The following ATP2B1 variants were observed in gnomAD, a reference collection of about 807,000 sequenced individuals.
ATP2B1 encodes the protein ATPase plasma membrane Ca2+ transporting 1.
A neutral mutation model predicts 124.2 loss-of-function variants in ATP2B1; 14 were observed. The ratio of observed to expected loss-of-function variants is 0.11; its 90% CI spans 0.07 to 0.18. The LOEUF (loss-of-function observed/expected upper bound fraction) is 0.18. Ranked by LOEUF, ATP2B1 falls within the 10% of genes least tolerant of loss-of-function variation. The pLI, the probability that ATP2B1 is intolerant of heterozygous loss-of-function variation, is 1.00. For synonymous variants in ATP2B1, 449 were observed against 492.4 expected (o/e 0.91, Z 1.17); for missense variants, 763 against 1,466.1 (o/e 0.52, Z 7.83).
intron 12 of ATP2B1, among the ~76,000 whole-genome samples, chr12:89,613,133 C>A (rs986588148): frequency 6.6e-6 from 1 of 152,022 alleles, no homozygotes; most frequent in Admixed American, 6.6e-5. Context: ...GTACACGCCA[C>A]CATGCACAGC....
intron 1 of ATP2B1, among the ~76,000 whole-genome samples, chr12:89,662,469 A>G (rs1312240795): frequency 6.6e-6 from 1 of 152,218 alleles, no homozygotes; most frequent in Non-Finnish European, 1.5e-5. Flanking sequence ...AAAATGCTTT[A>G]AAGAAATCAA....
At position 89,617,579 on chromosome 12, in the gene ATP2B1, C is replaced by T. The variant is rs77951464; in HGVS notation, c.1830-540G>A. On this transcript the variant is annotated intron_variant, in intron 11 of 20. Transcript: ENST00000428670. ...ATGCCAAAAGTTATTTTCAGTGACA[C>T]TACTACCTTTTCTTTCATTACATAA... 1.3e-4 allele frequency among the ~76,000 whole-genome samples: 20 copies of T among 152,312 alleles called. 1 individual carries two copies. The East Asian group carries it at 3.9e-3, about 29-fold the overall frequency.
rs978599421 is a variant in ATP2B1, at chr12:89,635,237, A to G, written c.421T>C (p.Ser141Pro). The change falls in exon 4 of 21, where the codon TCT becomes CCT. Residue 141 changes from serine to proline, a missense_variant. Ser to Pro is a moderately conservative substitution (Grantham distance 74). This residue lies in a region of ATP2B1 where 392 missense variants were observed against 776.6 expected (regional missense o/e 0.50). Transcript: ENST00000428670. ...CCTTCACCTTCTTCCTCCCCAACAG[A>G]AACTTCTCCACAAACTATTTGGAAA... ...EGDNALCGEV[S>P]VGEEEGEGET... The G allele has an allele frequency of 6.2e-7, 1 of 1,612,232 alleles. No individual in the cohort carries two copies. Among genetic ancestry groups the G allele is most frequent in the African/African-American group, 1.3e-5 (1 of 75,006 alleles).
intron 1 of ATP2B1, among the ~76,000 whole-genome samples, chr12:89,678,299 G>A (rs73437358): frequency 0.16 from 23,638 of 151,882 alleles, 2,173 homozygotes; most frequent in South Asian, 0.36. Context: ...GATATTTTTT[G>A]AAGTGGCCAT....
chr12:89,603,780 G>A lies in ATP2B1; in HGVS notation c.2780C>T (p.Thr927Ile). Residue 927 changes from threonine to isoleucine, a missense_variant, in exon 17 of 21, where the codon ACA becomes ATA. Around this residue, in one of 7 missense-constraint regions of ATP2B1, gnomAD observed 118 missense variants for 240.3 expected, o/e 0.49. Transcript: ENST00000428670. The surrounding 1 kb of genome is among the most constrained non-coding windows in gnomAD (Gnocchi z 4.3). Reference protein sequence around the residue: ...YGRNKPLISRTMMKNILGHAF... With the variant: ...YGRNKPLISRIMMKNILGHAF... Reference sequence around the variant, plus strand: ...ATGACCCAAAATATTCTTCATCATTGTACGTGAGATGAGAGGCTTATTTCT... The same window carrying A: ...ATGACCCAAAATATTCTTCATCATTATACGTGAGATGAGAGGCTTATTTCT... 6.2e-7 allele frequency: 1 copy of A among 1,614,124 alleles called. No individual in the cohort carries two copies. Among genetic ancestry groups the A allele is most frequent in the Non-Finnish European group, 8.5e-7 (1 of 1,179,988 alleles).
intron 16 of ATP2B1, 107 bp downstream of exon 16, chr12:89,604,048 C>A: frequency 2.1e-6 from 3 of 1,399,088 alleles, no homozygotes; most frequent in Non-Finnish European, 2.9e-6. Flanking sequence ...TATTAACTAA[C>A]CTAAAATATT....
In ATP2B1 at chr12:89,588,965, A is replaced by G. The variant is rs977568275; in HGVS notation, c.*2019T>C. 6.6e-6 allele frequency: 1 copy of G among 152,574 alleles called. No homozygotes were observed. Among genetic ancestry groups the G allele is most frequent in the African/African-American group, 2.4e-5 (1 of 41,430 alleles). The allele number at this position is 152,574 out of a possible 1,614,324, so 9.5% of individuals were successfully genotyped here. ...GTAAATGATTTTCCCAAGATCATGC[A>G]GCACATTAATGGCAAAACCAAGACT... On this transcript the variant is annotated 3_prime_UTR_variant, in exon 21 of 21. Transcript: ENST00000428670.
chr12:89,645,891 A>C (rs1884374113), intron 2 of ATP2B1, among the ~76,000 whole-genome samples: 1 of 152,210 alleles, frequency 6.6e-6, no homozygotes, highest in African/African-American at 2.4e-5. Context: ...ATCTGAAGGA[A>C]ATTGAAGAGA....
chr12:89,670,030 A>G (rs1270292417), intron 1 of ATP2B1, among the ~76,000 whole-genome samples: 1 of 152,264 alleles, frequency 6.6e-6, no homozygotes, highest in Non-Finnish European at 1.5e-5. Context: ...TCTTCTCACA[A>G]TTAAAATCAG....
At position 89,627,774 on chromosome 12, in the gene ATP2B1, A is replaced by G. The variant is rs553481642; in HGVS notation, c.929-58T>C. 20 of 1,536,298 alleles carry G rather than the reference A, an allele frequency of 1.3e-5. 1 individual carries two copies. Among genetic ancestry groups the G allele is most frequent in the Middle Eastern group, 3.4e-4 (2 of 5,924 alleles). On this transcript the variant is annotated intron_variant, in intron 6 of 20. Coordinates refer to ENST00000428670, the MANE Select transcript of ATP2B1 (RefSeq NM_001366521.1). ...AAAAGAAATGAATACAGCCATGCTAAATTATGCAGAAGTAGTTCACATTTC... is the reference window on the plus strand; with the variant it reads ...AAAAGAAATGAATACAGCCATGCTAGATTATGCAGAAGTAGTTCACATTTC...
chr12:89,705,938 TGTAA>T (rs1488992676), intron 1 of ATP2B1, among the ~76,000 whole-genome samples: 1 of 152,228 alleles, frequency 6.6e-6, no homozygotes, highest in Non-Finnish European at 1.5e-5. Context: ...TTTTGCGGTT[TGTAA>T]GTAAGACTAT....
chr12:89,656,648 C>T (rs1885985110), intron 1 of ATP2B1, among the ~76,000 whole-genome samples: 1 of 152,112 alleles, frequency 6.6e-6, no homozygotes, highest in Non-Finnish European at 1.5e-5. Context: ...CATAACAGAT[C>T]CTTTAATATT....
chr12:89,635,970 G>T (rs1882626375), intron 3 of ATP2B1, among the ~76,000 whole-genome samples: 1 of 152,062 alleles, frequency 6.6e-6, no homozygotes, highest in Admixed American at 6.6e-5. Flanking sequence ...GAAGAATTCA[G>T]ATAATAATAC....
chr12:89,697,609 T>C (rs1057488117), intron 1 of ATP2B1, among the ~76,000 whole-genome samples: 1 of 152,080 alleles, frequency 6.6e-6, no homozygotes, highest in Non-Finnish European at 1.5e-5. Flanking sequence ...CATGTATTCA[T>C]TTTCAGTTTT....
intron 1 of ATP2B1, among the ~76,000 whole-genome samples, chr12:89,676,702 A>G (rs990239703): frequency 2.0e-5 from 3 of 152,290 alleles, no homozygotes; most frequent in South Asian, 4.1e-4. Flanking sequence ...AAGGGAAGAC[A>G]CTTTTACTTA....
Position 89,591,063 on chromosome 12 carries a change from T to A in ATP2B1, c.3584A>T (p.His1195Leu), listed in dbSNP as rs760909886. ...KNNNAVDSGI[H>L]LTIEMNKSAT... is the part of the protein sequence containing the mutation. ...AGACTTGTTCATTTCTATTGTAAGG[T>A]GAATTCCACTGTCAACAGCATTGTT... is the stretch of plus-strand genomic sequence containing the variant. Residue 1195 changes from histidine to leucine, a missense_variant, in exon 21 of 21, where the codon CAC (histidine) becomes CTC (leucine). Physicochemically the swap from His to Leu is moderately conservative, Grantham distance 99 (BLOSUM62 -3). This residue lies in a region of ATP2B1 where 97 missense variants were observed against 94.7 expected (regional missense o/e 1.02). Transcript: ENST00000428670. 1 of 1,613,216 alleles carries A rather than the reference T, an allele frequency of 6.2e-7. No individual in the cohort carries two copies. Among genetic ancestry groups the A allele is most frequent in the East Asian group, 2.2e-5 (1 of 44,862 alleles).
intron 2 of ATP2B1, among the ~76,000 whole-genome samples, chr12:89,649,448 T>C (rs1884951561): frequency 6.6e-6 from 1 of 152,246 alleles, no homozygotes; most frequent in South Asian, 2.1e-4. Context: ...TTGTGTGGTC[T>C]ACCACTCCTT....
At chr12:89,643,438 G>A (rs1323954851) in intron 2 of ATP2B1, among the ~76,000 whole-genome samples, 6 of 152,042 alleles carry the variant, frequency 3.9e-5, no homozygotes, top group South Asian at 2.1e-4. Context: ...GTTATACTTC[G>A]ATTGATATAA....
intron 1 of ATP2B1, among the ~76,000 whole-genome samples, chr12:89,674,646 T>C (rs1218641922): frequency 6.6e-6 from 1 of 152,208 alleles, no homozygotes; most frequent in Non-Finnish European, 1.5e-5. Flanking sequence ...ACTGTGCTCC[T>C]ATGAGACTGG....
Sources: allele counts gnomAD v4.1 joint callset (sites outside exome capture counted in the v4.1 genomes callset), GRCh38; gene constraint gnomAD v4.1.1; regional missense constraint gnomAD v4.1.1; non-coding constraint Gnocchi (gnomAD v3.1); transcripts MANE v1.5; gene names NCBI Gene and HGNC (gene_info 2026-07-23, HGNC 2026-07-21).